The following DLG2 variants were observed in gnomAD, a reference collection of about 807,000 sequenced individuals.
DLG2 encodes discs large MAGUK scaffold protein 2, also known as disks large homolog 2.
A neutral mutation model predicts 132.5 loss-of-function variants in DLG2; 45 were observed. The ratio of observed to expected loss-of-function variants is 0.34; its 90% CI spans 0.27 to 0.44. The LOEUF (loss-of-function observed/expected upper bound fraction) is 0.44, where lower values mean the gene tolerates loss of function less well. Ranked by LOEUF, DLG2 falls within the 20% of genes least tolerant of loss-of-function variation. The pLI is 1.00. For synonymous variants in DLG2, 424 were observed against 419.6 expected, an observed-to-expected ratio of 1.01 and a Z score of -0.13; for missense variants, 1,045 against 1,196.9, an observed-to-expected ratio of 0.87 and a Z score of 1.87.
chr11:84,898,461 A>T (rs149476291), intron 6 of DLG2, among the ~76,000 whole-genome samples: 2 of 152,014 alleles, frequency 1.3e-5, no homozygotes, highest in Admixed American at 1.3e-4. Flanking sequence ...CATTATCTTC[A>T]TCATACAATT....
At chr11:85,496,108 C>T (rs117763923) in intron 3 of DLG2, among the ~76,000 whole-genome samples, 1 of 152,204 alleles carries the variant, frequency 6.6e-6, no homozygotes, top group African/African-American at 2.4e-5. Context: ...TCACATCACA[C>T]AGGAAGTGCA....
At chr11:85,356,026 G>T (rs566266469) in intron 3 of DLG2, among the ~76,000 whole-genome samples, 4 of 152,308 alleles carry the variant, frequency 2.6e-5, no homozygotes, top group African/African-American at 9.6e-5. Flanking sequence ...TAGACCCAGA[G>T]CTTAGAGATG....
chr11:83,578,075 TAC>T (rs148521282), intron 19 of DLG2, among the ~76,000 whole-genome samples: 6 of 135,106 alleles, frequency 4.4e-5, no homozygotes, highest in East Asian at 4.4e-4. Flanking sequence ...TATATATGTA[TAC>T]ACACACACAC....
chr11:85,072,702 A>G (rs550111006), intron 6 of DLG2, among the ~76,000 whole-genome samples: 1 of 152,000 alleles, frequency 6.6e-6, no homozygotes, highest in Admixed American at 6.6e-5. Context: ...GAGAAAGAAT[A>G]CAAACCCAAG....
At chr11:83,646,671 A>C (rs1216496548) in intron 18 of DLG2, 2 of 152,158 alleles carry the variant, frequency 1.3e-5, no homozygotes, top group East Asian at 1.9e-4. Context: ...GCAAATGACA[A>C]ATGTTTGCCA....
intron 17 of DLG2, among the ~76,000 whole-genome samples, 190 bp from the exon 18 acceptor site, chr11:83,786,982 A>G (rs988309289): frequency 6.6e-6 from 1 of 151,956 alleles, no homozygotes. Context: ...ATTAAATTTC[A>G]CCTTGTGGTG....
chr11:84,929,323 A>G (rs1007568135), intron 6 of DLG2, among the ~76,000 whole-genome samples: 1 of 151,878 alleles, frequency 6.6e-6, no homozygotes, highest in Non-Finnish European at 1.5e-5. Context: ...ATATATAAAT[A>G]TGTTTCATAT....
At chr11:85,349,804 T>A (rs1246060904) in intron 3 of DLG2, among the ~76,000 whole-genome samples, 2 of 152,154 alleles carry the variant, frequency 1.3e-5, no homozygotes, top group African/African-American at 4.8e-5. Flanking sequence ...CTCAATCCAG[T>A]CTGTCACTGA....
At chr11:84,418,765 C>T (rs1207556534) in intron 7 of DLG2, among the ~76,000 whole-genome samples, 1 of 152,184 alleles carries the variant, frequency 6.6e-6, no homozygotes, top group East Asian at 1.9e-4. Context: ...AATAAATACG[C>T]TTAGGTTCCC....
chr11:83,587,283 T>A lies in DLG2; in HGVS notation c.1941-45425A>T, dbSNP rs544701094. Among the ~76,000 whole-genome samples, 280 of 152,048 alleles carry A rather than the reference T, an allele frequency of 1.8e-3. 1 individual carries two copies. The highest frequency in any genetic ancestry group is 5.9e-3 in the African/African-American group (245 of 41,484). ...TTGAATTTGCTACTTTTTTTTTTTT[T>A]AATTTGAGACAGGGTCTTGCTCTGT... On this transcript the variant is annotated intron_variant, in intron 19 of 27. Coordinates refer to ENST00000376104, the MANE Select transcript of DLG2 (RefSeq NM_001142699.3).
chr11:83,471,568 T>G, intron 24 of DLG2, 58 bp downstream of exon 24: 1 of 1,269,150 alleles, frequency 7.9e-7, no homozygotes, highest in Non-Finnish European at 1.1e-6. Context: ...TTTTACCATC[T>G]CATAAAGAAA....
intron 12 of DLG2, among the ~76,000 whole-genome samples, chr11:83,967,484 A>C (rs1042491499): frequency 6.6e-6 from 1 of 152,140 alleles, no homozygotes; most frequent in South Asian, 2.1e-4. Context: ...CTTGATGATT[A>C]GTGATATTAA....
intron 7 of DLG2, among the ~76,000 whole-genome samples, chr11:84,476,165 T>C (rs994180698): frequency 2.0e-5 from 3 of 152,160 alleles, no homozygotes; most frequent in African/African-American, 7.2e-5. Context: ...GTTAGGAAAC[T>C]TGTTCAAAAT....
At chr11:85,377,499 A>G (rs2085496196) in intron 3 of DLG2, among the ~76,000 whole-genome samples, 1 of 152,142 alleles carries the variant, frequency 6.6e-6, no homozygotes, top group South Asian at 2.1e-4. Flanking sequence ...CTCAGCTACT[A>G]ACCAGCCCTG....
rs187308734 is a variant in DLG2, at chr11:84,373,025, C to T, written c.520-121734G>A. ...ACTTAACTAATAACTACAGACTGTA[C>T]TTGGGTGGATACTTTAGAAAAATAA... is the stretch of plus-strand genomic sequence containing the variant. On this transcript the variant is annotated intron_variant, in intron 7 of 27. Transcript: ENST00000376104. Among the ~76,000 whole-genome samples, 4 of 151,604 alleles carry T rather than the reference C, an allele frequency of 2.6e-5. No homozygotes were observed. The East Asian group carries it at 7.8e-4, about 29-fold the overall frequency.
At chr11:84,201,490 T>G (rs10792730) in intron 8 of DLG2, among the ~76,000 whole-genome samples, 2 of 152,048 alleles carry the variant, frequency 1.3e-5, no homozygotes, top group Non-Finnish European at 2.9e-5. Flanking sequence ...TCCCTCCTTT[T>G]CAGTTTTTTG....
At chr11:85,519,037 G>A (rs1370402304) in intron 3 of DLG2, among the ~76,000 whole-genome samples, 4 of 152,172 alleles carry the variant, frequency 2.6e-5, no homozygotes, top group South Asian at 2.1e-4. Context: ...GGAAACACCC[G>A]GATACCGAGA....
intron 10 of DLG2, among the ~76,000 whole-genome samples, chr11:84,088,534 T>C (rs2097032138): frequency 6.6e-6 from 1 of 152,210 alleles, no homozygotes; most frequent in Non-Finnish European, 1.5e-5. Context: ...CCTGATGTTC[T>C]ACCAGATGTG....
chr11:85,022,827 A>G (rs140946163), intron 6 of DLG2, among the ~76,000 whole-genome samples: 1 of 152,238 alleles, frequency 6.6e-6, no homozygotes, highest in African/African-American at 2.4e-5. Context: ...GGTGCAATGC[A>G]TACCATTTAC....
Sources: allele counts gnomAD v4.1 joint callset (sites outside exome capture counted in the v4.1 genomes callset), GRCh38; gene constraint gnomAD v4.1.1; transcripts MANE v1.5; gene names NCBI Gene and HGNC (gene_info 2026-07-23, HGNC 2026-07-21).